MBD2: variants seen among roughly 807,000 people sequenced by gnomAD.
MBD2 encodes the protein methyl-CpG binding domain protein 2.
Under a neutral mutation model 39.3 loss-of-function variants are expected in MBD2, and 9 were observed. The ratio of observed to expected loss-of-function variants is 0.23; its 90% CI spans 0.14 to 0.40. The LOEUF (loss-of-function observed/expected upper bound fraction) is 0.40, where lower values mean the gene tolerates loss of function less well. Ranked by LOEUF, MBD2 falls within the 10% of genes least tolerant of loss-of-function variation. The probability of loss-of-function intolerance (pLI) is 1.00; values close to 1 mark genes in which losing one functional copy is unlikely to be tolerated. For missense variants in MBD2, 458 were observed against 532.6 expected, an observed-to-expected ratio of 0.86 and a Z score of 1.38; for synonymous variants, 233 against 211.1, an observed-to-expected ratio of 1.10 and a Z score of -0.90.
intron 4 of MBD2, among the ~76,000 whole-genome samples, chr18:54,165,240 T>G (rs949034892): frequency 6.6e-6 from 1 of 152,240 alleles, no homozygotes; most frequent in Admixed American, 6.5e-5. Flanking sequence ...AAGCTGTATC[T>G]GTGGCTTTAA....
chr18:54,205,291 G>T, intron 1 of MBD2, 134 bp from the exon 2 acceptor site: 3 of 855,090 alleles, frequency 3.5e-6, no homozygotes, highest in Non-Finnish European at 3.5e-6. Flanking sequence ...TTAAAGTTTT[G>T]CTAGGCGCGA....
Position 54,224,033 on chromosome 18 carries a change from T to C in MBD2, c.527A>G (p.Asp176Gly). 1 of 1,352,014 alleles carries C rather than the reference T, an allele frequency of 7.4e-7. No individual in the cohort carries two copies. The highest frequency in any genetic ancestry group is 1.0e-6 in the Non-Finnish European group (1 of 995,058). 83.8% of individuals were successfully genotyped at this position (1,352,014 alleles called of 1,614,324 possible). Reference protein sequence around the residue: ...RKSGLSAGKSDVYYFSPSGKK... With the variant: ...RKSGLSAGKSGVYYFSPSGKK... ...AGGGAGGTACCTGAAGTAGTAGACA[T>C]CGCTCTTGCCAGCACTTAGCCCAGA... Residue 176 changes from aspartate to glycine, a missense_variant, in exon 1 of 7, where the codon GAT becomes GGT. Around this residue, in one of 2 missense-constraint regions of MBD2, gnomAD observed 189 missense variants for 296.6 expected, o/e 0.64. Transcript: ENST00000256429.
intron 1 of MBD2, among the ~76,000 whole-genome samples, chr18:54,206,444 T>C (rs1279691357): frequency 1.3e-5 from 2 of 152,212 alleles, no homozygotes; most frequent in Non-Finnish European, 2.9e-5. Context: ...AAGAAGCCAA[T>C]GTGTCACATT....
chr18:54,186,162 T>A (rs2086285191), intron 3 of MBD2, among the ~76,000 whole-genome samples: 1 of 152,068 alleles, frequency 6.6e-6, no homozygotes, highest in Non-Finnish European at 1.5e-5. Flanking sequence ...GGCCTCAAAA[T>A]TCAACACTTT....
chr18:54,171,793 C>T (rs559507643), intron 3 of MBD2, among the ~76,000 whole-genome samples: 1 of 152,186 alleles, frequency 6.6e-6, no homozygotes, highest in Admixed American at 6.5e-5. Context: ...GTTAAACTTT[C>T]CTGCAGCATT....
intron 1 of MBD2, 22 bp downstream of exon 1, chr18:54,223,996 C>CCA: frequency 6.3e-6 from 10 of 1,576,500 alleles, no homozygotes; most frequent in Non-Finnish European, 7.8e-6. Flanking sequence ...CCGCCACCCC[C>CCA]TCCCCGCCCC....
chr18:54,177,441 A>G (rs187936385), intron 3 of MBD2, among the ~76,000 whole-genome samples: 34 of 152,320 alleles, frequency 2.2e-4, no homozygotes, highest in Admixed American at 2.2e-3. Flanking sequence ...TGTGCGCTTA[A>G]GAAAAGCTTT....
At chr18:54,197,545 A>G (rs2086375785) in intron 2 of MBD2, among the ~76,000 whole-genome samples, 2 of 152,206 alleles carry the variant, frequency 1.3e-5, no homozygotes, top group South Asian at 4.1e-4. Context: ...ATTTACTCAC[A>G]TAAATTATTT....
intron 1 of MBD2, among the ~76,000 whole-genome samples, chr18:54,212,574 A>G (rs1326153662): frequency 6.6e-6 from 1 of 152,188 alleles, no homozygotes; most frequent in Non-Finnish European, 1.5e-5. Flanking sequence ...CTATGTGTTG[A>G]CAAATTGTTT....
intron 5 of MBD2, among the ~76,000 whole-genome samples, chr18:54,163,392 C>T (rs1476003179): frequency 6.6e-6 from 1 of 152,018 alleles, no homozygotes; most frequent in African/African-American, 2.4e-5. Flanking sequence ...ATTCAGGGGA[C>T]AGAAATAGTG....
intron 1 of MBD2, among the ~76,000 whole-genome samples, chr18:54,219,206 C>T (rs1251677015): frequency 1.3e-5 from 2 of 152,114 alleles, no homozygotes; most frequent in Non-Finnish European, 2.9e-5. Flanking sequence ...TTCAAAATTC[C>T]AGAAAAAGGC....
At chr18:54,169,861 C>T (rs1157857589) in intron 3 of MBD2, among the ~76,000 whole-genome samples, 2 of 152,200 alleles carry the variant, frequency 1.3e-5, no homozygotes, top group African/African-American at 2.4e-5. Flanking sequence ...ATTACACCTC[C>T]CTCTAATCCT....
intron 5 of MBD2, among the ~76,000 whole-genome samples, chr18:54,162,345 C>A (rs900565678): frequency 6.6e-6 from 1 of 152,196 alleles, no homozygotes; most frequent in East Asian, 1.9e-4. Flanking sequence ...GGGTCTTCAG[C>A]TGGAGGTTTA....
chr18:54,211,877 A>G (rs2086510833), intron 1 of MBD2, among the ~76,000 whole-genome samples: 2 of 149,152 alleles, frequency 1.3e-5, no homozygotes, highest in Admixed American at 6.7e-5. Context: ...TTTTTTTGAG[A>G]CAGAGTCTCG....
intron 1 of MBD2, among the ~76,000 whole-genome samples, chr18:54,211,322 T>C (rs1009593483): frequency 6.6e-6 from 1 of 152,028 alleles, no homozygotes; most frequent in East Asian, 1.9e-4. Flanking sequence ...ATTAGAATTA[T>C]TGTTTTGTAC....
chr18:54,207,930 C>T (rs1337350946), intron 1 of MBD2, among the ~76,000 whole-genome samples: 2 of 152,068 alleles, frequency 1.3e-5, no homozygotes, highest in African/African-American at 4.8e-5. Flanking sequence ...CCCAGCTACT[C>T]AGGAGGCTGA....
intron 3 of MBD2, among the ~76,000 whole-genome samples, chr18:54,185,106 T>C (rs187964150): frequency 2.6e-5 from 4 of 152,348 alleles, no homozygotes; most frequent in Admixed American, 2.6e-4. Context: ...ACACTTTTCA[T>C]ACACAGTGAC....
intron 2 of MBD2, among the ~76,000 whole-genome samples, chr18:54,193,834 G>T (rs1032273639): frequency 1.3e-5 from 2 of 152,080 alleles, no homozygotes; most frequent in African/African-American, 4.8e-5. Flanking sequence ...AAATGTCCAG[G>T]TATTAAATCT....
At chr18:54,201,585 G>A (rs1048537015) in intron 2 of MBD2, among the ~76,000 whole-genome samples, 17 of 152,146 alleles carry the variant, frequency 1.1e-4, no homozygotes, top group African/African-American at 2.2e-4. Context: ...CTTTCTGGCC[G>A]GGCACGGTGG....
Sources: gnomAD v4.1 joint callset for allele counts (sites outside exome capture counted in the v4.1 genomes callset) on GRCh38, gnomAD v4.1.1 for gene constraint, gnomAD v4.1.1 regional missense constraint, MANE v1.5 for transcripts, NCBI Gene and HGNC (gene_info 2026-07-23, HGNC 2026-07-21) for gene names.